The following ARHGEF6 variants were observed in gnomAD, a reference collection of about 807,000 sequenced individuals.
ARHGEF6 encodes Rac/Cdc42 guanine nucleotide exchange factor 6.
In ARHGEF6, 9 loss-of-function variants were observed where a neutral mutation model predicts 70.3. The observed-to-expected ratio is 0.13, with a 90% confidence interval of 0.08 to 0.22. ARHGEF6 has a LOEUF of 0.22. ARHGEF6 is among the 10% of genes least tolerant of loss of function. The pLI, the probability that ARHGEF6 is intolerant of heterozygous loss-of-function variation, is 1.00. For synonymous variants in ARHGEF6, 201 were observed against 207.8 expected (o/e 0.97, Z 0.28); for missense variants, 470 against 563.0 (o/e 0.83, Z 1.67).
rs2076200924 is a variant in ARHGEF6, at chrX:136,669,546, A to G, written c.2136-10T>C. ...AGTATCAACAAGGCTCCTAGAAAAT[A>G]AAGATAAAATTCAGAGACAAATGGC... On this transcript the variant is annotated splice_polypyrimidine_tract_variant and intron_variant, in intron 20 of 21. Coordinates refer to ENST00000250617, the MANE Select transcript of ARHGEF6 (RefSeq NM_004840.3). 2 of 1,201,102 alleles carry G rather than the reference A, an allele frequency of 1.7e-6. No homozygotes were observed. Among genetic ancestry groups the G allele is most frequent in the Non-Finnish European group, 2.3e-6 (2 of 885,585 alleles).
At chrX:136,739,567 C>A (rs2148656122) in intron 5 of ARHGEF6, among the ~76,000 whole-genome samples, 1 of 112,538 alleles carries the variant, frequency 8.9e-6, no homozygotes, top group Non-Finnish European at 1.9e-5. Context: ...ATTTACAATT[C>A]TAATGGTAAA....
At chrX:136,734,898 G>A (rs775421566) in intron 5 of ARHGEF6, among the ~76,000 whole-genome samples, 2 of 111,569 alleles carry the variant, frequency 1.8e-5, no homozygotes, top group African/African-American at 6.5e-5. Context: ...AATATTAACC[G>A]ATGCAGAAAA....
intron 2 of ARHGEF6, among the ~76,000 whole-genome samples, chrX:136,756,168 A>T (rs2077204678): frequency 8.9e-6 from 1 of 112,229 alleles, no homozygotes; most frequent in South Asian, 3.7e-4. Context: ...TTAGGAAAGA[A>T]AAAAAACAAT....
At chrX:136,724,446 A>C (rs1803736091) in intron 6 of ARHGEF6, among the ~76,000 whole-genome samples, 1 of 109,404 alleles carries the variant, frequency 9.1e-6, no homozygotes, top group African/African-American at 3.3e-5. Context: ...TTCCTTTCTA[A>C]CATTTTTTAA....
Position 136,745,334 on chromosome X carries a change from T to A in ARHGEF6, c.348A>T (p.Glu116Asp). The A allele has an allele frequency of 8.3e-7, 1 of 1,211,587 alleles. No individual in the cohort carries two copies. Among genetic ancestry groups the A allele is most frequent in the Non-Finnish European group, 1.1e-6 (1 of 895,282 alleles). ...GAGAAGAGGAACGTCCACATGGTCT[T>A]TCTGATAGCTGATCTGTGAAAAGAG... Reference protein sequence around the residue: ...VNKATEDQLSERPCGRSSSLS... With the variant: ...VNKATEDQLSDRPCGRSSSLS... Residue 116 changes from glutamate to aspartate, a missense_variant, in exon 4 of 22, where the codon GAA becomes GAT. By Grantham distance (45) the Glu-to-Asp change is conservative (BLOSUM62 2). Transcript: ENST00000250617.
chrX:136,734,046 G>A (rs1159175132), intron 5 of ARHGEF6, among the ~76,000 whole-genome samples: 1 of 112,167 alleles, frequency 8.9e-6, no homozygotes, highest in Non-Finnish European at 1.9e-5. Context: ...TTCTTTTCAG[G>A]GAAGATTTCA....
chrX:136,716,296 TA>T (rs771146351), intron 6 of ARHGEF6, among the ~76,000 whole-genome samples: 1 of 112,077 alleles, frequency 8.9e-6, no homozygotes, highest in Non-Finnish European at 1.9e-5. Context: ...GGAAGGTCAA[TA>T]AGCAACTCCA....
chrX:136,739,904 A>C (rs922362559), intron 5 of ARHGEF6, among the ~76,000 whole-genome samples: 1 of 112,066 alleles, frequency 8.9e-6, no homozygotes, highest in African/African-American at 3.2e-5. Flanking sequence ...AGAGGAAGCC[A>C]AAAGGGCAAC....
chrX:136,671,040 C>T (rs1260718734), intron 20 of ARHGEF6, among the ~76,000 whole-genome samples: 1 of 111,755 alleles, frequency 8.9e-6, no homozygotes, highest in Non-Finnish European at 1.9e-5. Flanking sequence ...TTTCTGAAAA[C>T]CTCACAAAGT....
In ARHGEF6 at chrX:136,757,275, G is replaced by A. The variant is rs542153807; in HGVS notation, c.250-9683C>T. Reference sequence around the variant, plus strand: ...GTGGGGAGGCTGAGGCAGGACAATCGCTTGAAACCAGGAGGCGGAGGTTGC... The same window carrying A: ...GTGGGGAGGCTGAGGCAGGACAATCACTTGAAACCAGGAGGCGGAGGTTGC... On this transcript the variant is annotated intron_variant, in intron 2 of 21. Coordinates refer to ENST00000250617, the MANE Select transcript of ARHGEF6 (RefSeq NM_004840.3). Among the ~76,000 whole-genome samples, 30 of 112,461 alleles carry A rather than the reference G, an allele frequency of 2.7e-4. No homozygotes were observed. The South Asian group carries it at 9.9e-3, about 37-fold the overall frequency.
At chrX:136,675,766 C>T (rs180808543) in intron 18 of ARHGEF6, among the ~76,000 whole-genome samples, 3 of 110,576 alleles carry the variant, frequency 2.7e-5, no homozygotes, top group East Asian at 2.9e-4. Context: ...GTGATCTGCC[C>T]GCCTCAGCCT....
intron 1 of ARHGEF6, among the ~76,000 whole-genome samples, 161 bp downstream of exon 1, chrX:136,780,557 C>T (rs919876253): frequency 8.9e-6 from 1 of 111,944 alleles, no homozygotes; most frequent in Non-Finnish European, 1.9e-5. Context: ...CATTTTCTTA[C>T]ATTTTCAAAC....
intron 6 of ARHGEF6, among the ~76,000 whole-genome samples, chrX:136,722,597 A>G (rs1478167145): frequency 8.9e-6 from 1 of 112,215 alleles, no homozygotes; most frequent in Non-Finnish European, 1.9e-5. Context: ...CAAAACTACA[A>G]TTAGATACTA....
intron 20 of ARHGEF6, among the ~76,000 whole-genome samples, chrX:136,670,415 A>G (rs1013825485): frequency 1.8e-5 from 2 of 111,527 alleles, no homozygotes; most frequent in Non-Finnish European, 3.8e-5. Context: ...TTTTTTCTGA[A>G]TATCTTTTTG....
At chrX:136,764,961 C>T (rs2077300055) in intron 2 of ARHGEF6, among the ~76,000 whole-genome samples, 1 of 111,839 alleles carries the variant, frequency 8.9e-6, no homozygotes, top group Admixed American at 9.5e-5. Context: ...CTAGGTGTTC[C>T]TGTATTTATC....
chrX:136,686,592 G>GTATATATATATATATATA (rs1426495423), intron 11 of ARHGEF6, among the ~76,000 whole-genome samples: 2 of 59,704 alleles, frequency 3.3e-5, no homozygotes, highest in South Asian at 7.8e-4. Flanking sequence ...GTGTATGTGT[G>GTATATATATATATATATA]TGTATATATA....
At chrX:136,680,619 T>C in intron 15 of ARHGEF6, 112 bp downstream of exon 15, 2 of 897,202 alleles carry the variant, frequency 2.2e-6, no homozygotes, top group East Asian at 3.1e-5. Flanking sequence ...AATCTACAAA[T>C]ATAGGCTGCC....
chrX:136,683,437 C>T (rs1322924492), intron 12 of ARHGEF6, among the ~76,000 whole-genome samples: 2 of 111,284 alleles, frequency 1.8e-5, no homozygotes, highest in African/African-American at 3.3e-5. Context: ...CGGCTCACCA[C>T]AACCTCCACC....
At chrX:136,702,694 TA>T (rs1288793228) in intron 9 of ARHGEF6, among the ~76,000 whole-genome samples, 1 of 112,080 alleles carries the variant, frequency 8.9e-6, no homozygotes, top group Non-Finnish European at 1.9e-5. Flanking sequence ...TAATAATCCT[TA>T]ATGTGAATGC....
Sources: gnomAD v4.1 joint callset for allele counts (sites outside exome capture counted in the v4.1 genomes callset) on GRCh38, gnomAD v4.1.1 for gene constraint, MANE v1.5 for transcripts, NCBI Gene and HGNC (gene_info 2026-07-23, HGNC 2026-07-21) for gene names.